WAC: variants seen among roughly 807,000 people sequenced by gnomAD.
The protein encoded by WAC is WW domain-containing adapter protein with coiled-coil.
Under a neutral mutation model 79.6 loss-of-function variants are expected in WAC, and 11 were observed. That is an observed-to-expected ratio of 0.14 (90% CI 0.09 to 0.23). The LOEUF (loss-of-function observed/expected upper bound fraction) is 0.23, where lower values mean the gene tolerates loss of function less well. WAC is among the 10% of genes least tolerant of loss of function. The pLI is 1.00. For synonymous variants in WAC, 304 were observed against 276.9 expected (o/e 1.10, Z -0.97); for missense variants, 728 against 773.5 (o/e 0.94, Z 0.70).
At chr10:28,610,247 T>A (rs1350021574) in intron 8 of WAC, among the ~76,000 whole-genome samples, 1 of 152,074 alleles carries the variant, frequency 6.6e-6, no homozygotes, top group East Asian at 1.9e-4. Flanking sequence ...TTTGTATCCA[T>A]TTTTAGATTT....
intron 2 of WAC, among the ~76,000 whole-genome samples, chr10:28,534,827 T>A (rs141781140): frequency 5.3e-5 from 8 of 152,270 alleles, no homozygotes; most frequent in African/African-American, 1.9e-4. Context: ...TCTTCTGATA[T>A]GTAAAACATT....
rs995309657 is a variant in WAC at position 28,603,851 on chromosome 10, G to A, written c.920-4335G>A. Among the ~76,000 whole-genome samples, 8 of 149,408 alleles carry A rather than the reference G, an allele frequency of 5.4e-5. No individual in the cohort carries two copies. The South Asian group carries it at 1.3e-3, about 24-fold the overall frequency. ...CGGGAGGCTGAGGCAGGAGAATGGCGTGAACCCGGGAGGCAGATCTTGCAG... is the reference window on the plus strand; with the variant it reads ...CGGGAGGCTGAGGCAGGAGAATGGCATGAACCCGGGAGGCAGATCTTGCAG... On this transcript the variant is annotated intron_variant, in intron 7 of 13. Coordinates refer to ENST00000354911, the MANE Select transcript of WAC (RefSeq NM_016628.5).
chr10:28,589,522 T>TA (rs1839987366), intron 4 of WAC: 1 of 276,316 alleles, frequency 3.6e-6, no homozygotes, highest in Non-Finnish European at 6.7e-6. Flanking sequence ...ATCTAATTTT[T>TA]ATTCTGCTTA....
At chr10:28,603,457 G>A (rs1479318662) in intron 7 of WAC, among the ~76,000 whole-genome samples, 6 of 152,118 alleles carry the variant, frequency 3.9e-5, no homozygotes, top group African/African-American at 1.4e-4. Flanking sequence ...ACTTTTTAAT[G>A]AAAAACACTA....
chr10:28,534,076 A>G (rs1589111982), intron 2 of WAC, 42 bp downstream of exon 2: 1 of 1,546,184 alleles, frequency 6.5e-7, no homozygotes, highest in Admixed American at 2.0e-5. Context: ...AAGGGGCCGG[A>G]GGGGGAAGGG....
chr10:28,599,581 T>TA (rs1220893851), intron 7 of WAC, among the ~76,000 whole-genome samples: 3 of 152,202 alleles, frequency 2.0e-5, no homozygotes, highest in African/African-American at 7.2e-5. Flanking sequence ...TCATGGTTTT[T>TA]AAAAAAGTAT....
intron 3 of WAC, among the ~76,000 whole-genome samples, chr10:28,541,161 G>T (rs1030960361): frequency 1.3e-5 from 2 of 151,792 alleles, no homozygotes; most frequent in East Asian, 1.9e-4. Flanking sequence ...AAAATTTTTG[G>T]TGTAACATAC....
rs993571363 is a variant in WAC at position 28,616,423 on chromosome 10, C to A, written c.1746+61C>A. On this transcript the variant is annotated intron_variant, in intron 12 of 13. Transcript: ENST00000354911. ...GATTAGCAAAACAGAATTTAATCAA[C>A]TTCTAGAGAATCTAATGTGACCACT... The A allele has an allele frequency of 4.0e-5, 52 of 1,315,676 alleles. 2 individuals are homozygous for A. In the South Asian group the frequency reaches 8.3e-4, roughly 21 times the overall value. 81.5% of individuals were successfully genotyped at this position (1,315,676 alleles called of 1,614,324 possible).
At chr10:28,560,358 C>T (rs900737500) in intron 3 of WAC, among the ~76,000 whole-genome samples, 2 of 151,868 alleles carry the variant, frequency 1.3e-5, no homozygotes, top group African/African-American at 2.4e-5. Context: ...GAGATCCTGT[C>T]GGGAGTTAGG....
At position 28,614,110 on chromosome 10, in the gene WAC, C is replaced by CT. The variant is rs879655919; in HGVS notation, c.1438-444dup. 3.4e-3 allele frequency among the ~76,000 whole-genome samples: 492 copies of CT among 146,566 alleles called. 1 individual carries two copies. Among genetic ancestry groups the CT allele is most frequent in the Non-Finnish European group, 4.5e-3 (300 of 66,138 alleles). On this transcript the variant is annotated intron_variant, in intron 10 of 13. Coordinates refer to ENST00000354911, the MANE Select transcript of WAC (RefSeq NM_016628.5). The stretch of plus-strand genomic sequence containing the variant: ...CTGAGCTGTAAAGGAGAACTAGTTA[C>CT]TTTTTTTTTTTTTGAGACGGAGTCT...
rs573073401 is a variant in WAC at position 28,612,210 on chromosome 10, G to A, written c.1437+288G>A. ...GAGGATATACTGAGTCTTAATATTT[G>A]TAGAATTTTCAAACTCCAAAAGACA... On this transcript the variant is annotated intron_variant, in intron 10 of 13. Coordinates refer to ENST00000354911, the MANE Select transcript of WAC (RefSeq NM_016628.5). Among the ~76,000 whole-genome samples the A allele has an allele frequency of 7.2e-5, 11 of 152,320 alleles. No individual in the cohort carries two copies. The South Asian group carries it at 2.3e-3, about 32-fold the overall frequency.
intron 6 of WAC, among the ~76,000 whole-genome samples, chr10:28,593,392 A>G (rs561416902): frequency 2.0e-5 from 3 of 152,168 alleles, no homozygotes; most frequent in Non-Finnish European, 4.4e-5. Flanking sequence ...AGATTTTTAC[A>G]TGTAAAGAGA....
At chr10:28,580,114 A>G (rs978543072) in intron 3 of WAC, among the ~76,000 whole-genome samples, 1 of 152,200 alleles carries the variant, frequency 6.6e-6, no homozygotes, top group African/African-American at 2.4e-5. Flanking sequence ...TTGTCTTTGA[A>G]AATAATTTCC....
chr10:28,605,611 CAG>C (rs1840901961), intron 7 of WAC, among the ~76,000 whole-genome samples: 1 of 152,192 alleles, frequency 6.6e-6, no homozygotes, highest in South Asian at 2.1e-4. Flanking sequence ...GGTAAATAAA[CAG>C]AAATTAAGGA....
At chr10:28,578,109 A>G (rs983990458) in intron 3 of WAC, among the ~76,000 whole-genome samples, 4 of 152,198 alleles carry the variant, frequency 2.6e-5, no homozygotes, top group Non-Finnish European at 4.4e-5. Context: ...CAGTGAGTCA[A>G]GATCGTGCCA....
intron 3 of WAC, among the ~76,000 whole-genome samples, chr10:28,580,327 T>C (rs1216868140): frequency 6.6e-6 from 1 of 152,216 alleles, no homozygotes; most frequent in Non-Finnish European, 1.5e-5. Context: ...TATTTGAGTT[T>C]TCATTGACTT....
chr10:28,541,413 G>GTTTTTT lies in WAC; in HGVS notation c.274+5657_274+5658insTTTTTT, dbSNP rs1435952488. Among the ~76,000 whole-genome samples, 29 of 50,748 alleles carry GTTTTTT rather than the reference G, an allele frequency of 5.7e-4. 1 individual carries two copies. The highest frequency in any genetic ancestry group is 1.1e-3 in the Non-Finnish European group (26 of 23,708). 33.3% of individuals were successfully genotyped at this position (50,748 alleles called of 152,430 possible). On this transcript the variant is annotated intron_variant, in intron 3 of 13. Coordinates refer to ENST00000354911, the MANE Select transcript of WAC (RefSeq NM_016628.5). ...AATTTTTGTGGGGTTGTGTGTGTGTGTGTTTTGTTTTTTTTTTTTTTTTTT... is the reference window on the plus strand; with the variant it reads ...AATTTTTGTGGGGTTGTGTGTGTGTGTTTTTTTGTTTTGTTTTTTTTTTTTTTTTTT...
At chr10:28,599,532 A>G (rs1840538562) in intron 7 of WAC, among the ~76,000 whole-genome samples, 1 of 152,208 alleles carries the variant, frequency 6.6e-6, no homozygotes. Flanking sequence ...GATGGATGCT[A>G]CAAGAACAGG....
At chr10:28,546,293 A>G (rs747043369) in intron 3 of WAC, among the ~76,000 whole-genome samples, 18 of 152,354 alleles carry the variant, frequency 1.2e-4, no homozygotes, top group Non-Finnish European at 2.4e-4. Context: ...AGAGAGGATC[A>G]TGATGAAATA....
Sources: allele counts gnomAD v4.1 joint callset (sites outside exome capture counted in the v4.1 genomes callset), GRCh38; gene constraint gnomAD v4.1.1; transcripts MANE v1.5; gene names NCBI Gene and HGNC (gene_info 2026-07-23, HGNC 2026-07-21).